FARP1: variants seen among roughly 807,000 people sequenced by gnomAD.
FARP1 encodes FERM, ARHGEF and pleckstrin domain-containing protein 1.
Under a neutral mutation model 128.8 loss-of-function variants are expected in FARP1, and 52 were observed. The observed-to-expected ratio is 0.40, with a 90% CI of 0.32 to 0.51. FARP1 has a LOEUF of 0.51. FARP1 is among the 20% of genes least tolerant of loss of function. FARP1 has a pLI of 0.45. For missense variants in FARP1, 1,333 were observed against 1,367.9 expected (o/e 0.97, Z 0.40); for synonymous variants, 580 against 551.8 (o/e 1.05, Z -0.72).
In FARP1 at chr13:98,379,099, TA is replaced by T. The variant is rs1170504729; in HGVS notation, c.496+1182del. Among the ~76,000 whole-genome samples, 2 of 97,608 alleles carry T rather than the reference TA, an allele frequency of 2.0e-5. 1 individual carries two copies. Among genetic ancestry groups the T allele is most frequent in the African/African-American group, 8.9e-5 (2 of 22,596 alleles). 64.0% of individuals were successfully genotyped at this position (97,608 alleles called of 152,430 possible). A position where few individuals can be genotyped will look rare whatever the true frequency, so the allele number is the denominator to read the frequency against. ...TAATATGTAATCTATATATAATATA[TA>T]TATAATATATAATCTATATATAATA... On this transcript the variant is annotated intron_variant, in intron 6 of 26. Coordinates refer to ENST00000319562, the MANE Select transcript of FARP1 (RefSeq NM_005766.4).
At chr13:98,242,647 G>A (rs1297648674) in intron 2 of FARP1, among the ~76,000 whole-genome samples, 4 of 152,116 alleles carry the variant, frequency 2.6e-5, no homozygotes, top group South Asian at 2.1e-4. Flanking sequence ...ACTGCATTCC[G>A]GCCTGGGCAA....
chr13:98,354,278 G>A (rs746915414), intron 3 of FARP1, among the ~76,000 whole-genome samples: 6 of 152,044 alleles, frequency 3.9e-5, no homozygotes, highest in East Asian at 1.9e-4. Context: ...TGGTAAATAC[G>A]TAAAACCATA....
In FARP1 at chr13:98,232,144, G is replaced by GTTTTTTTTTTTTTTTTTTTTTTTTTTT. The variant is rs1555329634; in HGVS notation, c.171+18731_171+18732insTTTTTTTTTTTTTTTTTTTTTTTTTTT. On this transcript the variant is annotated intron_variant, in intron 2 of 26. Coordinates refer to ENST00000319562, the MANE Select transcript of FARP1 (RefSeq NM_005766.4). ...CGTGCCCGGCTTTTTTTGTTTGGTT[G>GTTTTTTTTTTTTTTTTTTTTTTTTTTT]GTTTTTTTTTTTTTTTTTTTTTGCT... 2.3e-4 allele frequency among the ~76,000 whole-genome samples: 26 copies of GTTTTTTTTTTTTTTTTTTTTTTTTTTT among 111,664 alleles called. 3 individuals are homozygous for GTTTTTTTTTTTTTTTTTTTTTTTTTTT. Among genetic ancestry groups the GTTTTTTTTTTTTTTTTTTTTTTTTTTT allele is most frequent in the Non-Finnish European group, 2.4e-4 (14 of 59,248 alleles). The allele number at this position is 111,664 out of a possible 152,430, so 73.3% of individuals were successfully genotyped here. A position where few individuals can be genotyped will look rare whatever the true frequency, so the allele number is the denominator to read the frequency against.
intron 2 of FARP1, among the ~76,000 whole-genome samples, chr13:98,293,519 A>G (rs945601124): frequency 3.7e-4 from 57 of 152,322 alleles, no homozygotes; most frequent in African/African-American, 1.3e-3. Flanking sequence ...ACCAGAATCC[A>G]TGGAGAAACC....
Position 98,275,442 on chromosome 13 carries a change from G to T in FARP1, c.171+62029G>T, listed in dbSNP as rs146877834. ...CAGGATTGGCCATGAGTTGATGATT[G>T]TTGAAGTTAGGTAATGATTTGGTAA... On this transcript the variant is annotated intron_variant, in intron 2 of 26. Transcript: ENST00000319562. Among the ~76,000 whole-genome samples, 931 of 151,120 alleles carry T rather than the reference G, an allele frequency of 6.2e-3. 4 individuals carry two copies. The highest frequency in any genetic ancestry group is 0.011 in the Non-Finnish European group (716 of 67,866).
At chr13:98,324,235 ACT>A (rs1228114393) in intron 2 of FARP1, among the ~76,000 whole-genome samples, 1 of 152,084 alleles carries the variant, frequency 6.6e-6, no homozygotes, top group African/African-American at 2.4e-5. Flanking sequence ...AGGTCAAGTT[ACT>A]CTCATCCTTT....
chr13:98,189,424 TTG>T (rs1879085984), intron 1 of FARP1, among the ~76,000 whole-genome samples: 1 of 152,216 alleles, frequency 6.6e-6, no homozygotes, highest in Non-Finnish European at 1.5e-5. Flanking sequence ...TTTTCATTTT[TTG>T]TGCCATACTT....
At chr13:98,245,410 T>C (rs1882999875) in intron 2 of FARP1, 2 of 922,066 alleles carry the variant, frequency 2.2e-6, no homozygotes, top group Non-Finnish European at 2.6e-6. Flanking sequence ...TGTTCAGTGT[T>C]TTATGTGACA....
intron 18 of FARP1, chr13:98,434,984 ACT>A (rs1300168436): frequency 2.6e-5 from 4 of 152,190 alleles, no homozygotes; most frequent in African/African-American, 9.7e-5. Context: ...CAAGAGCAAA[ACT>A]CTGTCTCAAA....
chr13:98,151,807 G>A (rs1876029609), intron 1 of FARP1, among the ~76,000 whole-genome samples: 3 of 151,622 alleles, frequency 2.0e-5, no homozygotes, highest in Admixed American at 1.3e-4. Flanking sequence ...GATTACAGGT[G>A]CACGCCACCA....
At chr13:98,149,091 T>C (rs1482813140) in intron 1 of FARP1, among the ~76,000 whole-genome samples, 1 of 152,106 alleles carries the variant, frequency 6.6e-6, no homozygotes, top group Non-Finnish European at 1.5e-5. Flanking sequence ...TTTTGCCATG[T>C]TGCCCAGGCT....
chr13:98,175,948 CCATT>C (rs1594231541), intron 1 of FARP1: 1 of 570,842 alleles, frequency 1.8e-6, no homozygotes, highest in East Asian at 2.9e-5. Context: ...TTTTGTTTGT[CCATT>C]CATCCATCCA....
At chr13:98,151,514 G>T (rs980929891) in intron 1 of FARP1, among the ~76,000 whole-genome samples, 1 of 152,074 alleles carries the variant, frequency 6.6e-6, no homozygotes, top group African/African-American at 2.4e-5. Context: ...GAAGATCAAT[G>T]ATAAACATTG....
chr13:98,321,504 T>G (rs1886990570), intron 2 of FARP1, among the ~76,000 whole-genome samples: 1 of 152,204 alleles, frequency 6.6e-6, no homozygotes, highest in Non-Finnish European at 1.5e-5. Context: ...GTCATGCTCT[T>G]TAAGTGACAG....
intron 1 of FARP1, among the ~76,000 whole-genome samples, chr13:98,148,177 A>G (rs1438639124): frequency 6.6e-6 from 1 of 152,158 alleles, no homozygotes; most frequent in Non-Finnish European, 1.5e-5. Context: ...TCAGGAGTTC[A>G]AGACCAGCCT....
chr13:98,238,025 G>C (rs924114940), intron 2 of FARP1, among the ~76,000 whole-genome samples: 1 of 152,072 alleles, frequency 6.6e-6, no homozygotes, highest in Non-Finnish European at 1.5e-5. Flanking sequence ...GAAAACTTAA[G>C]GCAAAAGGAA....
intron 23 of FARP1, 45 bp downstream of exon 23, chr13:98,440,280 TGGAG>T: frequency 7.1e-7 from 1 of 1,400,572 alleles, no homozygotes; most frequent in Non-Finnish European, 1.0e-6. Context: ...GTCTGGTTCA[TGGAG>T]GGACAGCATT....
chr13:98,291,258 G>A (rs1462862336), intron 2 of FARP1, among the ~76,000 whole-genome samples: 3 of 152,292 alleles, frequency 2.0e-5, no homozygotes, highest in Middle Eastern at 3.4e-3. Flanking sequence ...TCATAAGGAA[G>A]AGAGAATACA....
chr13:98,300,032 T>C (rs1367954068), intron 2 of FARP1, among the ~76,000 whole-genome samples: 1 of 152,096 alleles, frequency 6.6e-6, no homozygotes, highest in Admixed American at 6.5e-5. Context: ...TTTCTAATGT[T>C]CCCCCAAATA....
Sources: gnomAD v4.1 joint callset for allele counts (sites outside exome capture counted in the v4.1 genomes callset) on GRCh38, gnomAD v4.1.1 for gene constraint, MANE v1.5 for transcripts, NCBI Gene and HGNC (gene_info 2026-07-23, HGNC 2026-07-21) for gene names.